LIG1: variants seen among roughly 807,000 people sequenced by gnomAD.
The protein encoded by LIG1 is ligase I, DNA, ATP-dependent.
A neutral mutation model predicts 115.7 loss-of-function variants in LIG1; 70 were observed. The observed-to-expected ratio is 0.60, with a 90% CI of 0.50 to 0.74. LIG1 has a LOEUF of 0.74. Ranked by LOEUF, LIG1 falls within the 30% of genes least tolerant of loss-of-function variation. LIG1 has a pLI of 0.00. For missense variants in LIG1, 1,115 were observed against 1,225.6 expected (o/e 0.91, Z 1.35); for synonymous variants, 487 against 495.3 (o/e 0.98, Z 0.22).
chr19:48,148,474 C>CAA (rs55722968), intron 9 of LIG1, among the ~76,000 whole-genome samples: 1,844 of 97,242 alleles, frequency 0.019, 46 homozygotes, highest in African/African-American at 0.051. Flanking sequence ...GATTCCATCT[C>CAA]AAAAAAAAAA....
chr19:48,131,376 A>G (rs2034014725), intron 18 of LIG1, among the ~76,000 whole-genome samples: 1 of 152,058 alleles, frequency 6.6e-6, no homozygotes, highest in South Asian at 2.1e-4. Context: ...TTTCTTCTTC[A>G]TTTCCAATCC....
chr19:48,138,487 G>A (rs1010257773), intron 12 of LIG1, among the ~76,000 whole-genome samples: 14 of 152,236 alleles, frequency 9.2e-5, no homozygotes, highest in Admixed American at 8.5e-4. Flanking sequence ...CGCGCCTGAA[G>A]CGAAACTGCC....
chr19:48,123,354 C>T, intron 21 of LIG1, 36 bp from the exon 22 acceptor site: 3 of 1,607,422 alleles, frequency 1.9e-6, no homozygotes, highest in Non-Finnish European at 1.7e-6. Flanking sequence ...GATGAGACAT[C>T]TTTGTGAGAA....
chr19:48,121,410 G>A (rs2033265114), intron 23 of LIG1, 88 bp from the exon 24 acceptor site: 1 of 1,289,204 alleles, frequency 7.8e-7, no homozygotes, highest in Non-Finnish European at 1.0e-6. Context: ...GTGGACTGAG[G>A]AGGGACTAGA....
intron 20 of LIG1, 56 bp from the exon 21 acceptor site, chr19:48,127,404 G>T: frequency 6.8e-7 from 1 of 1,472,692 alleles, no homozygotes; most frequent in Non-Finnish European, 9.4e-7. Context: ...GGGGCACTGT[G>T]CCTGAGGCCG....
chr19:48,168,618 A>C (rs1006896476), intron 1 of LIG1, among the ~76,000 whole-genome samples: 1 of 152,092 alleles, frequency 6.6e-6, no homozygotes, highest in Non-Finnish European at 1.5e-5. Flanking sequence ...GTAATGAGAG[A>C]AGACTGGAAA....
chr19:48,135,254 G>A (rs899569060), intron 16 of LIG1, among the ~76,000 whole-genome samples: 1 of 152,160 alleles, frequency 6.6e-6, no homozygotes, highest in African/African-American at 2.4e-5. Context: ...TGATTCTTGT[G>A]CCTCAGTTTC....
At position 48,137,347 on chromosome 19, in the gene LIG1, TGAAGA is replaced by T. The variant is rs1440793877; in HGVS notation, c.1254+170_1254+174del. Among the ~76,000 whole-genome samples the T allele has an allele frequency of 6.6e-6, 1 of 152,220 alleles. No individual in the cohort carries two copies. Among genetic ancestry groups the T allele is most frequent in the Non-Finnish European group, 1.5e-5 (1 of 68,032 alleles). On this transcript the variant is annotated intron_variant, in intron 13 of 27. Transcript: ENST00000263274. The surrounding 1 kb of genome is among the most constrained non-coding windows in gnomAD (Gnocchi z 4.3). ...CCATGGCATTAGGTCTGCTAGACTC[TGAAGA>T]GGAGACTCCCCTAGGATTGGGTGCA...
At chr19:48,165,710 A>AAG in intron 1 of LIG1, 87 bp from the exon 2 acceptor site, 1 of 757,532 alleles carries the variant, frequency 1.3e-6, no homozygotes, top group Non-Finnish European at 2.0e-6. Flanking sequence ...AGAAAGAAAG[A>AAG]AAAAAAAAAA....
At position 48,128,014 on chromosome 19, in the gene LIG1, G is replaced by C; in HGVS notation, c.1828C>G (p.Leu610Val). 1 of 1,613,828 alleles carries C rather than the reference G, an allele frequency of 6.2e-7. No individual in the cohort carries two copies. Among genetic ancestry groups the C allele is most frequent in the Non-Finnish European group, 8.5e-7 (1 of 1,179,698 alleles). ...DIISRIPKIK[L>V]PSVTSFILDT... is the part of the protein sequence containing the mutation. ...AGGATGAAGGATGTGACCGATGGGA[G>C]TTTAATCTGAAAAGTGAAGGGAGAG... Residue 610 changes from leucine (L) to valine (V), a missense_variant, in exon 20 of 28, where the codon CTC (leucine) becomes GTC (valine). Leu to Val is a conservative substitution (Grantham distance 32). Transcript: ENST00000263274.
chr19:48,135,646 C>A, intron 16 of LIG1, 34 bp downstream of exon 16: 1 of 1,553,598 alleles, frequency 6.4e-7, no homozygotes, highest in East Asian at 2.2e-5. Context: ...CTGCCCACAG[C>A]CCCTGGCAAC....
In LIG1 at chr19:48,134,215, T is replaced by C. The variant is rs1032656645; in HGVS notation, c.1524-149A>G. The C allele has an allele frequency of 5.9e-6, 4 of 679,890 alleles. No individual in the cohort carries two copies. The African/African-American group carries it at 7.1e-5, about 12-fold the overall frequency. The allele number at this position is 679,890 out of a possible 1,614,324, so 42.1% of individuals were successfully genotyped here. ...CTGCCAAGCTCCTCTTGCCACCCTG[T>C]CTCTGTGCTCTCCCTTCGTGTCACT... is the stretch of plus-strand genomic sequence containing the variant. On this transcript the variant is annotated intron_variant, in intron 16 of 27. Coordinates refer to ENST00000263274, the MANE Select transcript of LIG1 (RefSeq NM_000234.3).
At chr19:48,138,137 G>C (rs1396024209) in intron 12 of LIG1, among the ~76,000 whole-genome samples, 1 of 152,080 alleles carries the variant, frequency 6.6e-6, no homozygotes, top group African/African-American at 2.4e-5. Context: ...TTACACACGT[G>C]GGATGTGCTC....
chr19:48,127,674 C>T, intron 20 of LIG1: 1 of 621,356 alleles, frequency 1.6e-6, no homozygotes, highest in Non-Finnish European at 2.9e-6. Context: ...AACAGATCTT[C>T]TTTCATAGTA....
At position 48,131,112 on chromosome 19, in the gene LIG1, A is replaced by T; in HGVS notation, c.1785T>A (p.Thr595=). 3.7e-6 allele frequency: 6 copies of T among 1,614,086 alleles called. No individual in the cohort carries two copies. Among genetic ancestry groups the T allele is most frequent in the Non-Finnish European group, 5.1e-6 (6 of 1,179,982 alleles). ...KIFSRNQEDN[T]GKYPDIISRI... is the part of the protein sequence containing the mutation. ...GGCTGATGATGTCCGGGTACTTCCCAGTGTTGTCTTCCTGATTCCTGCTGA... is the reference window on the plus strand; with the variant it reads ...GGCTGATGATGTCCGGGTACTTCCCTGTGTTGTCTTCCTGATTCCTGCTGA... Residue 595 remains threonine, a synonymous_variant, in exon 19 of 28, where the codon ACT becomes ACA. Coordinates refer to ENST00000263274, the MANE Select transcript of LIG1 (RefSeq NM_000234.3).
intron 15 of LIG1, 91 bp downstream of exon 15, chr19:48,135,943 G>C (rs2034357104): frequency 1.8e-6 from 2 of 1,096,752 alleles, no homozygotes; most frequent in East Asian, 5.3e-5. Context: ...GGGGCCCGCT[G>C]GGGAAGGGGC....
In LIG1 at chr19:48,150,151, G is replaced by A. The variant is rs755228890; in HGVS notation, c.634C>T (p.Gln212Ter). Reference protein sequence around the residue: ...EPEVATKQELQEEEEQTKPPR... With the variant: ...EPEVATKQEL ...GGCTTGGTCTGCTCTTCCTCCTCCT[G>A]CAGTTCCTGCTTCGTGGCCACCTCA... is the stretch of plus-strand genomic sequence containing the variant. The change falls in exon 8 of 28, where the codon CAG becomes TAG. Residue 212 changes from glutamine to a stop codon, truncating the protein, a stop_gained. Transcript: ENST00000263274. LOFTEE classifies it high-confidence loss of function. 6.2e-7 allele frequency: 1 copy of A among 1,614,060 alleles called. No individual in the cohort carries two copies. The highest frequency in any genetic ancestry group is 8.5e-7 in the Non-Finnish European group (1 of 1,180,044).
At chr19:48,123,350 A>G in intron 21 of LIG1, 32 bp from the exon 22 acceptor site, 1 of 1,608,594 alleles carries the variant, frequency 6.2e-7, no homozygotes, top group Non-Finnish European at 8.5e-7. Flanking sequence ...GAGAGATGAG[A>G]CATCTTTGTG....
chr19:48,162,433 C>CAT, intron 2 of LIG1, 82 bp from the exon 3 acceptor site: 4 of 632,036 alleles, frequency 6.3e-6, no homozygotes, highest in Non-Finnish European at 1.0e-5. Flanking sequence ...CTATAACTTC[C>CAT]TTTTTTTTTT....
Sources: allele counts gnomAD v4.1 joint callset (sites outside exome capture counted in the v4.1 genomes callset), GRCh38; gene constraint gnomAD v4.1.1; non-coding constraint Gnocchi (gnomAD v3.1); transcripts MANE v1.5; gene names NCBI Gene and HGNC (gene_info 2026-07-23, HGNC 2026-07-21).